XPO5: variants seen among roughly 807,000 people sequenced by gnomAD.
The protein encoded by XPO5 is exportin 5.
XPO5 carries 46 observed loss-of-function variants against 160.6 expected under a neutral mutation model. The observed-to-expected ratio is 0.29, with a 90% CI of 0.23 to 0.37. The LOEUF (loss-of-function observed/expected upper bound fraction) is 0.37, where lower values mean the gene tolerates loss of function less well. Among genes scored for constraint, XPO5 ranks in the 10% least tolerant of loss-of-function variants. The probability of loss-of-function intolerance (pLI) is 1.00; values close to 1 mark genes in which losing one functional copy is unlikely to be tolerated. For synonymous variants in XPO5, 537 were observed against 519.3 expected (o/e 1.03, Z -0.46); for missense variants, 1,090 against 1,463.9 (o/e 0.74, Z 4.17).
At chr6:43,558,406 C>G in intron 12 of XPO5, 95 bp downstream of exon 12, 1 of 1,143,904 alleles carries the variant, frequency 8.7e-7, no homozygotes, top group East Asian at 2.7e-5. Flanking sequence ...ATTTGGGGAT[C>G]TTTCGTAAAA....
chr6:43,546,482 A>AAG, intron 20 of XPO5, 89 bp downstream of exon 20: 1 of 1,290,122 alleles, frequency 7.8e-7, no homozygotes, highest in Non-Finnish European at 1.0e-6. Flanking sequence ...TAATACCACT[A>AAG]AGATATGAAG....
At chr6:43,535,893 C>G (rs1427159632) in intron 20 of XPO5, among the ~76,000 whole-genome samples, 3 of 151,188 alleles carry the variant, frequency 2.0e-5, no homozygotes, top group African/African-American at 7.3e-5. Context: ...GAGGCCAAGG[C>G]CGGAGAATCA....
chr6:43,527,842 C>T lies in XPO5; in HGVS notation c.2823-111G>A, dbSNP rs565263848. 395 of 1,153,268 alleles carry T rather than the reference C, an allele frequency of 3.4e-4. 4 individuals carry two copies. In the South Asian group the frequency reaches 5.4e-3, roughly 16 times the overall value. 71.4% of individuals were successfully genotyped at this position (1,153,268 alleles called of 1,614,324 possible). The stretch of plus-strand genomic sequence containing the variant: ...ACCACTTTCTTCTCCTTTGGGTCTT[C>T]GTTTTATGCAAAAGTTGGGAATGGA... On this transcript the variant is annotated intron_variant, in intron 25 of 31. Transcript: ENST00000265351.
chr6:43,523,804 A>G lies in XPO5; in HGVS notation c.*64T>C. ...GTGGCAGTGCAAGAAGGGCCTAGAG[A>G]TCGGCTACAAAGGGAAAGAAGAGAT... is the stretch of plus-strand genomic sequence containing the variant. On this transcript the variant is annotated 3_prime_UTR_variant, in exon 32 of 32. Transcript: ENST00000265351. The G allele has an allele frequency of 3.1e-6, 5 of 1,613,250 alleles. No homozygotes were observed. The highest frequency in any genetic ancestry group is 4.2e-6 in the Non-Finnish European group (5 of 1,179,398).
intron 1 of XPO5, among the ~76,000 whole-genome samples, 191 bp downstream of exon 1, chr6:43,575,569 G>A (rs895734175): frequency 1.3e-4 from 20 of 152,268 alleles, no homozygotes; most frequent in African/African-American, 4.1e-4. Flanking sequence ...GCAAAGGACA[G>A]GAGCGGCGAG....
chr6:43,526,055 C>T (rs1793565991), intron 27 of XPO5, 134 bp from the exon 28 acceptor site: 4 of 841,966 alleles, frequency 4.8e-6, no homozygotes, highest in Non-Finnish European at 7.4e-6. Flanking sequence ...TACTAGGAGC[C>T]CTCCCACCTC....
intron 12 of XPO5, 59 bp from the exon 13 acceptor site, chr6:43,556,023 C>T: frequency 1.3e-6 from 2 of 1,589,098 alleles, no homozygotes; most frequent in Non-Finnish European, 1.7e-6. Flanking sequence ...AAAATAAGTA[C>T]TTAATGTTTA....
chr6:43,528,871 A>G lies in XPO5; in HGVS notation c.2732T>C (p.Leu911Pro). The G allele has an allele frequency of 6.2e-7, 1 of 1,613,954 alleles. No homozygotes were observed. The highest frequency in any genetic ancestry group is 8.5e-7 in the Non-Finnish European group (1 of 1,179,874). ...LFCPPEHYEA[L>P]VSPILGPLFT... is the part of the protein sequence containing the mutation. Reference sequence around the variant, plus strand: ...AAGAGGTCCGAGGATGGGGGATACCAGGGCTTCATAGTGCTCTGGGGGACA... The same window carrying G: ...AAGAGGTCCGAGGATGGGGGATACCGGGGCTTCATAGTGCTCTGGGGGACA... The change falls in exon 24 of 32, where the codon CTG becomes CCG. Residue 911 changes from leucine to proline, a missense_variant. By Grantham distance (98) the Leu-to-Pro change is moderately conservative (BLOSUM62 -3). Around this residue, in one of 3 missense-constraint regions of XPO5, gnomAD observed 810 missense variants for 1,139.0 expected, o/e 0.71. Coordinates refer to ENST00000265351, the MANE Select transcript of XPO5 (RefSeq NM_020750.3).
At chr6:43,527,000 GAT>G (rs1793639394) in intron 26 of XPO5, 1 of 481,496 alleles carries the variant, frequency 2.1e-6, no homozygotes, top group Non-Finnish European at 3.8e-6. Flanking sequence ...ACTAGGAAAG[GAT>G]GCTTGATACA....
At chr6:43,573,392 A>G in intron 2 of XPO5, 88 bp downstream of exon 2, 1 of 1,525,190 alleles carries the variant, frequency 6.6e-7, no homozygotes, top group Non-Finnish European at 8.9e-7. Flanking sequence ...GCTCTTCTCT[A>G]CTCACCTAAA....
At chr6:43,541,094 G>T (rs1272185057) in intron 20 of XPO5, among the ~76,000 whole-genome samples, 1 of 152,148 alleles carries the variant, frequency 6.6e-6, no homozygotes, top group African/African-American at 2.4e-5. Context: ...ATGGTTAGCA[G>T]AGGGGCTGGG....
At chr6:43,534,127 G>T in intron 20 of XPO5, 120 bp from the exon 21 acceptor site, 1 of 655,888 alleles carries the variant, frequency 1.5e-6, no homozygotes, top group South Asian at 1.6e-5. Context: ...CTCCTGGCAG[G>T]GGAAAGAAAA....
chr6:43,536,457 T>C (rs2127714265), intron 20 of XPO5, among the ~76,000 whole-genome samples: 1 of 149,686 alleles, frequency 6.7e-6, no homozygotes, highest in South Asian at 2.1e-4. Context: ...GCTGTAAATA[T>C]GGTCTAGAAG....
intron 5 of XPO5, among the ~76,000 whole-genome samples, chr6:43,569,886 T>C (rs2127754855): frequency 6.6e-6 from 1 of 151,312 alleles, no homozygotes; most frequent in African/African-American, 2.4e-5. Context: ...AGTTTGAGAC[T>C]AGCCTTGCTA....
chr6:43,537,135 TAA>T (rs1343160099), intron 20 of XPO5, among the ~76,000 whole-genome samples: 1 of 137,462 alleles, frequency 7.3e-6, no homozygotes, highest in Non-Finnish European at 1.5e-5. Flanking sequence ...CGTGAATAAT[TAA>T]AACTTTTTTT....
chr6:43,566,598 C>A, intron 7 of XPO5: 1 of 409,800 alleles, frequency 2.4e-6, no homozygotes, highest in Non-Finnish European at 5.0e-6. Flanking sequence ...CACTTGAGCT[C>A]AGGAGTTCGA....
chr6:43,526,740 G>A lies in XPO5; in HGVS notation c.2928C>T (p.Cys976=), dbSNP rs1582193951. 6.2e-7 allele frequency: 1 copy of A among 1,613,752 alleles called. No homozygotes were observed. Among genetic ancestry groups the A allele is most frequent in the African/African-American group, 1.3e-5 (1 of 75,040 alleles). Residue 976 remains cysteine (C), a synonymous_variant, in exon 27 of 32, where the codon TGC becomes TGT. Transcript: ENST00000265351. ...TREVMDLITV[C]CVSKKGADHS... Reference sequence around the variant, plus strand: ...GGTCAGCACCCTTCTTTGAAACACAGCAAACCGCTAAAGCAAGAAAGCAGG... The same window carrying A: ...GGTCAGCACCCTTCTTTGAAACACAACAAACCGCTAAAGCAAGAAAGCAGG...
rs930968131 is a variant in XPO5 at position 43,551,430 on chromosome 6, T to C, written c.1596A>G (p.Ile532Met). The change falls in exon 15 of 32, where the codon ATA becomes ATG. Residue 532 changes from isoleucine to methionine, a missense_variant. This residue lies in a region of XPO5 where 810 missense variants were observed against 1,139.0 expected (regional missense o/e 0.71). Transcript: ENST00000265351. ...NREEIPVNDGIELLQMVLNFD... is the reference protein window; with the variant it reads ...NREEIPVNDGMELLQMVLNFD... ...AGTTCAGAACCATCTGCAATAGCTC[T>C]ATTCCATCATTAACAGGAATTTCCT... The C allele has an allele frequency of 1.9e-6, 3 of 1,613,584 alleles. No individual in the cohort carries two copies. Among genetic ancestry groups the C allele is most frequent in the Admixed American group, 1.7e-5 (1 of 59,912 alleles).
At chr6:43,539,809 A>T in intron 20 of XPO5, 1 of 544,898 alleles carries the variant, frequency 1.8e-6, no homozygotes. Context: ...TCCCATGTAA[A>T]ATCATTTAGG....
Sources: gnomAD v4.1 joint callset for allele counts (sites outside exome capture counted in the v4.1 genomes callset) on GRCh38, gnomAD v4.1.1 for gene constraint, gnomAD v4.1.1 regional missense constraint, MANE v1.5 for transcripts, NCBI Gene and HGNC (gene_info 2026-07-23, HGNC 2026-07-21) for gene names.